GNG7: variants seen among roughly 807,000 people sequenced by gnomAD.
GNG7 encodes the protein G protein subunit gamma 7.
GNG7 carries 1 observed loss-of-function variant against 4.0 expected under a neutral mutation model. That is an observed-to-expected ratio of 0.25 (90% CI 0.09 to 1.18). GNG7 has a LOEUF of 1.18. Ranked by LOEUF, GNG7 falls within the 50% of genes most tolerant of loss-of-function variation. The probability of loss-of-function intolerance (pLI) is 0.50; values close to 1 mark genes in which losing one functional copy is unlikely to be tolerated. For synonymous variants in GNG7, 34 were observed against 36.9 expected, an observed-to-expected ratio of 0.92 and a Z score of 0.29; for missense variants, 86 against 91.9, an observed-to-expected ratio of 0.94 and a Z score of 0.26.
chr19:2,605,608 A>G (rs1320936123), intron 2 of GNG7, among the ~76,000 whole-genome samples: 3 of 127,028 alleles, frequency 2.4e-5, no homozygotes, highest in Admixed American at 1.8e-4. Flanking sequence ...CTGCCTCCTC[A>G]GCTGAAGTGA....
chr19:2,618,342 G>GGT lies in GNG7; in HGVS notation c.-78+27880_-78+27881dup, dbSNP rs35982775. 0.065 allele frequency among the ~76,000 whole-genome samples: 9,492 copies of GGT among 146,430 alleles called. 415 individuals are homozygous for GGT. The highest frequency in any genetic ancestry group is 0.13 in the African/African-American group (5,264 of 39,920). On this transcript the variant is annotated intron_variant, in intron 2 of 4. Coordinates refer to ENST00000382159, the MANE Select transcript of GNG7 (RefSeq NM_052847.3). This position sits in a 1 kb window ranked among gnomAD's most constrained non-coding sequence, Gnocchi z 5.1. ...TTCTCTTTTCTACCTGTATGTGTGT[G>GGT]GTGTGTGTGTGTGTGTGTGTGTGTG... is the stretch of plus-strand genomic sequence containing the variant.
intron 2 of GNG7, among the ~76,000 whole-genome samples, chr19:2,635,568 A>C (rs979372517): frequency 6.8e-6 from 1 of 148,092 alleles, no homozygotes; most frequent in African/African-American, 2.5e-5. Flanking sequence ...GAGACCCAGG[A>C]GGTCTCAACT....
At chr19:2,598,710 TA>T (rs1981109414) in intron 2 of GNG7, among the ~76,000 whole-genome samples, 1 of 147,906 alleles carries the variant, frequency 6.8e-6, no homozygotes, top group African/African-American at 2.5e-5. Context: ...ATAATAATAA[TA>T]ATAATAATAA....
intron 4 of GNG7, among the ~76,000 whole-genome samples, chr19:2,517,464 A>G (rs2144725016): frequency 6.6e-6 from 1 of 152,120 alleles, no homozygotes; most frequent in Middle Eastern, 3.4e-3. Context: ...CCCTGGGTCC[A>G]AGCAATTCTC....
rs564201778 is a variant in GNG7, at chr19:2,669,716, A to T, written c.-134-23436T>A. On this transcript the variant is annotated intron_variant, in intron 1 of 4. Coordinates refer to ENST00000382159, the MANE Select transcript of GNG7 (RefSeq NM_052847.3). ...TTTACTCTCTGGCTCTTTACAGAAG[A>T]GGTCTGTTGATGGCTGGGTGCAGCG... Among the ~76,000 whole-genome samples, 12 of 152,142 alleles carry T rather than the reference A, an allele frequency of 7.9e-5. No individual in the cohort carries two copies. The East Asian group carries it at 2.3e-3, about 30-fold the overall frequency.
intron 1 of GNG7, among the ~76,000 whole-genome samples, chr19:2,648,541 A>G (rs532961487): frequency 1.2e-4 from 19 of 152,340 alleles, no homozygotes; most frequent in African/African-American, 4.6e-4. Context: ...AAAAATGCAG[A>G]CTTTTTAAAA....
At chr19:2,604,520 GGAGGGAGGGAGGGAGC>G (rs959963680) in intron 2 of GNG7, among the ~76,000 whole-genome samples, 20 of 146,270 alleles carry the variant, frequency 1.4e-4, no homozygotes, top group Non-Finnish European at 2.9e-4. Flanking sequence ...AGCGAGGGAG[GGAGGGAGGGAGGGAGC>G]GAGGGAGGGA....
intron 2 of GNG7, among the ~76,000 whole-genome samples, chr19:2,644,881 A>T (rs984709732): frequency 6.6e-6 from 1 of 152,184 alleles, no homozygotes; most frequent in African/African-American, 2.4e-5. Context: ...ATTGATGGAC[A>T]TTTGGAGTCT....
At chr19:2,603,723 T>C (rs1223995826) in intron 2 of GNG7, among the ~76,000 whole-genome samples, 1 of 152,198 alleles carries the variant, frequency 6.6e-6, no homozygotes, top group Non-Finnish European at 1.5e-5. Flanking sequence ...TCACTGTTCA[T>C]AGATCTCCCA....
At chr19:2,540,297 C>G (rs1405832374) in intron 3 of GNG7, among the ~76,000 whole-genome samples, 3 of 151,926 alleles carry the variant, frequency 2.0e-5, no homozygotes, top group African/African-American at 7.3e-5. Context: ...ACCACAGGCA[C>G]ACACCACCAT....
chr19:2,541,741 A>G (rs1978969404), intron 3 of GNG7, among the ~76,000 whole-genome samples: 4 of 43,224 alleles, frequency 9.3e-5, no homozygotes, highest in South Asian at 9.4e-4. Flanking sequence ...GACTCCATCA[A>G]AAAAAAAAAA....
In GNG7 at chr19:2,515,045, T is replaced by C; in HGVS notation, c.184A>G (p.Lys62Glu). The C allele has an allele frequency of 6.2e-7, 1 of 1,613,856 alleles. No individual in the cohort carries two copies. The highest frequency in any genetic ancestry group is 8.5e-7 in the Non-Finnish European group (1 of 1,179,824). ...VPASENPFKDKKPCIIL is the reference protein window; with the variant it reads ...VPASENPFKDEKPCIIL ...AGTTATAAAATAATACAAGGTTTCT[T>C]GTCCTTAAAGGGGTTCTCCGAGGCA... The change falls in exon 5 of 5, where the codon AAG becomes GAG. Residue 62 changes from lysine (K) to glutamate (E), a missense_variant. By Grantham distance (56) the Lys-to-Glu change is moderately conservative. Transcript: ENST00000382159.
intron 2 of GNG7, among the ~76,000 whole-genome samples, chr19:2,640,707 C>A (rs769847697): frequency 2.1e-4 from 32 of 152,030 alleles, no homozygotes; most frequent in Non-Finnish European, 2.1e-4. Context: ...GCTCACTGCA[C>A]CACTCGATCT....
At chr19:2,655,690 T>G (rs964561235) in intron 1 of GNG7, among the ~76,000 whole-genome samples, 3 of 151,694 alleles carry the variant, frequency 2.0e-5, no homozygotes, top group Non-Finnish European at 2.9e-5. Context: ...TACAAAAAAA[T>G]TAGCCGGGCG....
At chr19:2,658,157 T>C (rs1032772870) in intron 1 of GNG7, among the ~76,000 whole-genome samples, 9 of 151,882 alleles carry the variant, frequency 5.9e-5, no homozygotes, top group African/African-American at 2.2e-4. Flanking sequence ...CGATCTCTCG[T>C]CTCCACACAC....
chr19:2,667,220 G>T (rs1309971290), intron 1 of GNG7, among the ~76,000 whole-genome samples: 1 of 152,176 alleles, frequency 6.6e-6, no homozygotes, highest in Non-Finnish European at 1.5e-5. Flanking sequence ...TACTTGGGAG[G>T]CTGAGGCGGC....
At chr19:2,697,271 G>T (rs746971749) in intron 1 of GNG7, among the ~76,000 whole-genome samples, 1 of 152,192 alleles carries the variant, frequency 6.6e-6, no homozygotes, top group African/African-American at 2.4e-5. Flanking sequence ...CCTTTTGCGA[G>T]GTTCAAGTAA....
intron 2 of GNG7, among the ~76,000 whole-genome samples, chr19:2,615,849 G>A (rs1226781627): frequency 2.6e-5 from 4 of 152,186 alleles, no homozygotes; most frequent in South Asian, 2.1e-4. Flanking sequence ...GCAGCAAGGC[G>A]GAGGAGGCAG....
chr19:2,560,373 G>A (rs905359201), intron 2 of GNG7, among the ~76,000 whole-genome samples: 4 of 152,046 alleles, frequency 2.6e-5, no homozygotes, highest in African/African-American at 4.8e-5. Context: ...CCCCAGGGTC[G>A]ATTCTCAGGA....
Sources: allele counts gnomAD v4.1 joint callset (sites outside exome capture counted in the v4.1 genomes callset), GRCh38; gene constraint gnomAD v4.1.1; non-coding constraint Gnocchi (gnomAD v3.1); transcripts MANE v1.5; gene names NCBI Gene and HGNC (gene_info 2026-07-23, HGNC 2026-07-21).